Variants in SYNPR observed in about 807,000 individuals in gnomAD.
SYNPR encodes the protein synaptoporin.
Under a neutral mutation model 32.9 loss-of-function variants are expected in SYNPR, and 23 were observed. The observed-to-expected ratio is 0.70, with a 90% CI of 0.50 to 0.99. SYNPR has a LOEUF of 0.99. Ranked by LOEUF, SYNPR falls within the 50% of genes least tolerant of loss-of-function variation. The probability of loss-of-function intolerance (pLI) is 0.00; values close to 1 mark genes in which losing one functional copy is unlikely to be tolerated. For missense variants in SYNPR, 318 were observed against 349.3 expected, an observed-to-expected ratio of 0.91 and a Z score of 0.71; for synonymous variants, 146 against 135.9, an observed-to-expected ratio of 1.07 and a Z score of -0.52.
intron 2 of SYNPR, among the ~76,000 whole-genome samples, chr3:63,396,573 G>A (rs1359264718): frequency 1.3e-5 from 2 of 152,126 alleles, no homozygotes; most frequent in Admixed American, 6.5e-5. Context: ...GAACACTCCT[G>A]GATAAATCTC....
chr3:63,587,607 C>G (rs569494737), intron 4 of SYNPR, among the ~76,000 whole-genome samples: 1 of 152,062 alleles, frequency 6.6e-6, no homozygotes, highest in Non-Finnish European at 1.5e-5. Flanking sequence ...TCCGGGAAGG[C>G]GTTTGCAAAG....
chr3:63,232,495 G>A (rs1360714318), intron 1 of SYNPR, among the ~76,000 whole-genome samples: 2 of 152,200 alleles, frequency 1.3e-5, no homozygotes, highest in African/African-American at 2.4e-5. Flanking sequence ...GAGCCACACC[G>A]TGCCCTGCCC....
At chr3:63,588,633 T>C (rs944472708) in intron 4 of SYNPR, among the ~76,000 whole-genome samples, 1 of 152,130 alleles carries the variant, frequency 6.6e-6, no homozygotes, top group African/African-American at 2.4e-5. Context: ...AATTTATTCT[T>C]TTCCCAGTTA....
intron 1 of SYNPR, among the ~76,000 whole-genome samples, chr3:63,239,992 C>T (rs2086229471): frequency 6.6e-6 from 1 of 152,120 alleles, no homozygotes; most frequent in African/African-American, 2.4e-5. Flanking sequence ...TTACTTATCT[C>T]TTCTTATCTC....
intron 4 of SYNPR, among the ~76,000 whole-genome samples, chr3:63,557,436 A>G (rs1228320846): frequency 1.3e-5 from 2 of 152,326 alleles, no homozygotes; most frequent in Admixed American, 6.5e-5. Flanking sequence ...AAAGAAAAGT[A>G]TCCTTATTTA....
intron 4 of SYNPR, among the ~76,000 whole-genome samples, chr3:63,587,784 C>T (rs1057017803): frequency 5.3e-5 from 8 of 151,992 alleles, no homozygotes; most frequent in African/African-American, 1.9e-4. Context: ...TGGATTACCT[C>T]GGAGCAGTGC....
chr3:63,568,448 A>G (rs1702831202), intron 4 of SYNPR, among the ~76,000 whole-genome samples: 2 of 152,134 alleles, frequency 1.3e-5, no homozygotes, highest in Non-Finnish European at 2.9e-5. Flanking sequence ...AGACATACAC[A>G]AGTCCCTTCT....
chr3:63,615,455 C>A lies in SYNPR; in HGVS notation c.832C>A (p.Pro278Thr), dbSNP rs1276089092. The A allele has an allele frequency of 6.2e-7, 1 of 1,613,828 alleles. No individual in the cohort carries two copies. Among genetic ancestry groups the A allele is most frequent in the East Asian group, 2.2e-5 (1 of 44,892 alleles). Residue 278 changes from proline to threonine, a missense_variant, in exon 6 of 6, where the codon CCC (proline) becomes ACC (threonine). Physicochemically the swap from Pro to Thr is conservative, Grantham distance 38. Transcript: ENST00000478300. ...SDEFGQQPTGPTSFTNQI is the reference protein window; with the variant it reads ...SDEFGQQPTGTTSFTNQI ...TGAGTTTGGCCAACAGCCTACTGGCCCCACTTCCTTTACCAATCAGATTTA... is the reference window on the plus strand; with the variant it reads ...TGAGTTTGGCCAACAGCCTACTGGCACCACTTCCTTTACCAATCAGATTTA...
chr3:63,549,349 G>T (rs576142885), intron 3 of SYNPR, among the ~76,000 whole-genome samples: 2 of 152,284 alleles, frequency 1.3e-5, no homozygotes, highest in Non-Finnish European at 2.9e-5. Context: ...CAAATATTCA[G>T]CTGGAAATCT....
chr3:63,595,749 A>ATATATATAGTTT (rs1699932855), intron 4 of SYNPR, among the ~76,000 whole-genome samples: 2 of 44,396 alleles, frequency 4.5e-5, no homozygotes, highest in African/African-American at 2.6e-4. Context: ...ATATATATAT[A>ATATATATAGTTT]TATATATATA....
At chr3:63,460,880 A>G (rs1700572032) in intron 2 of SYNPR, among the ~76,000 whole-genome samples, 1 of 152,098 alleles carries the variant, frequency 6.6e-6, no homozygotes, top group Non-Finnish European at 1.5e-5. Flanking sequence ...TGACAAGACC[A>G]CCACTCTGGG....
At chr3:63,359,990 G>T (rs950765018) in intron 2 of SYNPR, among the ~76,000 whole-genome samples, 1 of 152,130 alleles carries the variant, frequency 6.6e-6, no homozygotes, top group African/African-American at 2.4e-5. Flanking sequence ...GCGATTTATA[G>T]CCAGTCTCAT....
At chr3:63,229,410 A>T (rs1164464272) in intron 1 of SYNPR, among the ~76,000 whole-genome samples, 1 of 152,130 alleles carries the variant, frequency 6.6e-6, no homozygotes, top group Non-Finnish European at 1.5e-5. Context: ...CTGTGTACAG[A>T]TATTCTAGGT....
At chr3:63,341,729 T>C (rs939827751) in intron 2 of SYNPR, among the ~76,000 whole-genome samples, 81 of 152,246 alleles carry the variant, frequency 5.3e-4, no homozygotes, top group African/African-American at 1.8e-3. Context: ...GTTCTTTATG[T>C]ATCTTGGATA....
chr3:63,561,700 C>T (rs1702692663), intron 4 of SYNPR, among the ~76,000 whole-genome samples: 1 of 152,096 alleles, frequency 6.6e-6, no homozygotes, highest in Non-Finnish European at 1.5e-5. Flanking sequence ...TTCTAAGTGC[C>T]ATTTATCTGA....
intron 2 of SYNPR, among the ~76,000 whole-genome samples, chr3:63,389,733 C>A (rs1259670926): frequency 6.6e-6 from 1 of 152,240 alleles, no homozygotes; most frequent in Non-Finnish European, 1.5e-5. Context: ...TCAAGAACAC[C>A]TGGCATGTAC....
chr3:63,489,945 G>C (rs1168345005), intron 3 of SYNPR, among the ~76,000 whole-genome samples: 2 of 152,134 alleles, frequency 1.3e-5, no homozygotes, highest in African/African-American at 4.8e-5. Flanking sequence ...CCTAAGTGGA[G>C]CGGGGAGTGA....
intron 2 of SYNPR, among the ~76,000 whole-genome samples, chr3:63,453,313 G>A (rs1390842779): frequency 6.6e-6 from 1 of 152,078 alleles, no homozygotes; most frequent in Non-Finnish European, 1.5e-5. Context: ...AAGAGCCTGG[G>A]GAGGAAGATT....
At chr3:63,240,701 G>A (rs1270493634) in intron 1 of SYNPR, among the ~76,000 whole-genome samples, 1 of 152,108 alleles carries the variant, frequency 6.6e-6, no homozygotes, top group African/African-American at 2.4e-5. Flanking sequence ...TATTGCAAGG[G>A]CCATGACCTG....
Sources: allele counts gnomAD v4.1 joint callset (sites outside exome capture counted in the v4.1 genomes callset), GRCh38; gene constraint gnomAD v4.1.1; transcripts MANE v1.5; gene names NCBI Gene and HGNC (gene_info 2026-07-23, HGNC 2026-07-21).